The following UBXN2A variants were observed in gnomAD, a reference collection of about 807,000 sequenced individuals.
UBXN2A encodes the protein UBX domain-containing protein 2A.
In UBXN2A, 28 loss-of-function variants were observed where a neutral mutation model predicts 28.4. That is an observed-to-expected ratio of 0.99 (90% CI 0.73 to 1.35). The LOEUF is 1.35. UBXN2A is among the 40% of genes most tolerant of loss of function. The probability of loss-of-function intolerance (pLI) is 0.00; values close to 1 mark genes in which losing one functional copy is unlikely to be tolerated. For synonymous variants in UBXN2A, 97 were observed against 103.6 expected (o/e 0.94, Z 0.39); for missense variants, 253 against 297.9 (o/e 0.85, Z 1.11).
chr2:23,972,835 A>T (rs79480138), intron 3 of UBXN2A, among the ~76,000 whole-genome samples: 4,605 of 152,106 alleles, frequency 0.03, 202 homozygotes, highest in African/African-American at 0.089. Context: ...ATAAATAAAT[A>T]AATTAATTAA....
intron 1 of UBXN2A, among the ~76,000 whole-genome samples, chr2:23,931,180 G>T (rs1456477565): frequency 6.6e-6 from 1 of 151,826 alleles, no homozygotes; most frequent in Non-Finnish European, 1.5e-5. Flanking sequence ...GGGCTCAGTG[G>T]CTCTTGCCTG....
At chr2:23,984,858 A>G (rs201902681) in intron 6 of UBXN2A, 27 bp downstream of exon 6, 477 of 1,531,664 alleles carry the variant, frequency 3.1e-4, no homozygotes, top group Non-Finnish European at 3.8e-4. Flanking sequence ...AGTATTTGAT[A>G]TTTTTTCACC....
intron 2 of UBXN2A, among the ~76,000 whole-genome samples, chr2:23,966,456 C>CTT (rs79851837): frequency 6.5e-5 from 8 of 122,916 alleles, no homozygotes; most frequent in South Asian, 2.6e-4. Context: ...TTCTTTTTTT[C>CTT]TTTTTTTTTT....
intron 2 of UBXN2A, among the ~76,000 whole-genome samples, chr2:23,966,137 T>C (rs1454714400): frequency 6.6e-6 from 1 of 152,004 alleles, no homozygotes; most frequent in Non-Finnish European, 1.5e-5. Context: ...CTTATTGTAG[T>C]TATTTTCTTT....
chr2:23,954,817 A>ACATGAT (rs2150826377), intron 1 of UBXN2A, among the ~76,000 whole-genome samples: 1 of 147,938 alleles, frequency 6.8e-6, no homozygotes, highest in African/African-American at 2.5e-5. Flanking sequence ...GAGTGTGGTG[A>ACATGAT]CATGATCATG....
chr2:23,937,768 T>C (rs1296426134), upstream of UBXN2A, among the ~76,000 whole-genome samples: 2 of 152,362 alleles, frequency 1.3e-5, no homozygotes, highest in Non-Finnish European at 2.9e-5. Flanking sequence ...AGTATGGTCA[T>C]GTAGTGCTTA....
chr2:23,957,505 TGTTGACC>T (rs1706685032), intron 1 of UBXN2A, among the ~76,000 whole-genome samples: 1 of 152,078 alleles, frequency 6.6e-6, no homozygotes, highest in Non-Finnish European at 1.5e-5. Context: ...GGTTTCACCA[TGTTGACC>T]AGGCTGGTCT....
At chr2:23,962,868 C>T (rs1165403179) in intron 2 of UBXN2A, among the ~76,000 whole-genome samples, 1 of 152,142 alleles carries the variant, frequency 6.6e-6, no homozygotes, top group Admixed American at 6.5e-5. Context: ...CCTTGGCATC[C>T]CAAAGTGCTG....
At chr2:23,968,500 T>C (rs1375411865) in intron 2 of UBXN2A, among the ~76,000 whole-genome samples, 1 of 151,918 alleles carries the variant, frequency 6.6e-6, no homozygotes, top group Non-Finnish European at 1.5e-5. Context: ...GGTGAAACCC[T>C]GTCTCTACTG....
upstream of UBXN2A, among the ~76,000 whole-genome samples, chr2:23,937,744 T>G (rs1705570613): frequency 6.6e-6 from 1 of 152,152 alleles, no homozygotes; most frequent in African/African-American, 2.4e-5. Context: ...CTGAAAGAAA[T>G]GAAAGAAGGT....
chr2:23,984,572 C>T, intron 5 of UBXN2A, 101 bp from the exon 6 acceptor site: 1 of 1,047,304 alleles, frequency 9.5e-7, no homozygotes, highest in Non-Finnish European at 1.3e-6. Flanking sequence ...AAAAATCTTC[C>T]TTAAAGTTAT....
chr2:23,996,065 A>AT (rs1019784685), intron 6 of UBXN2A, among the ~76,000 whole-genome samples: 7,118 of 114,204 alleles, frequency 0.062, 236 homozygotes, highest in African/African-American at 0.092. Flanking sequence ...CGCCTGGCTA[A>AT]TTTTTTTTTT....
intron 6 of UBXN2A, among the ~76,000 whole-genome samples, chr2:23,987,180 A>G (rs1222630024): frequency 2.0e-5 from 3 of 151,232 alleles, no homozygotes; most frequent in Non-Finnish European, 4.4e-5. Flanking sequence ...TTTTTAAAAA[A>G]ATTTTTTTTC....
At chr2:23,990,242 G>A (rs1341831760) in intron 6 of UBXN2A, among the ~76,000 whole-genome samples, 1 of 151,428 alleles carries the variant, frequency 6.6e-6, no homozygotes, top group Non-Finnish European at 1.5e-5. Context: ...TCCTCTGCTT[G>A]GTAGACTGAC....
At chr2:23,928,350 C>T (rs1345546159) in intron 1 of UBXN2A, among the ~76,000 whole-genome samples, 6 of 151,972 alleles carry the variant, frequency 3.9e-5, no homozygotes, top group Admixed American at 1.3e-4. Context: ...CCAAGGCGGG[C>T]GGATCACTTG....
At chr2:23,963,772 A>G (rs1429077241) in intron 2 of UBXN2A, among the ~76,000 whole-genome samples, 2 of 152,160 alleles carry the variant, frequency 1.3e-5, no homozygotes, top group Non-Finnish European at 2.9e-5. Flanking sequence ...ATTGCCACAG[A>G]ATGGATTGCT....
chr2:23,982,130 C>T (rs145476895), intron 4 of UBXN2A, among the ~76,000 whole-genome samples: 43 of 147,676 alleles, frequency 2.9e-4, no homozygotes, highest in African/African-American at 9.9e-4. Flanking sequence ...GAGGCTGAGG[C>T]GGGCAGAACA....
At chr2:23,995,958 C>T (rs983155445) in intron 6 of UBXN2A, among the ~76,000 whole-genome samples, 12 of 151,506 alleles carry the variant, frequency 7.9e-5, no homozygotes, top group African/African-American at 2.9e-4. Context: ...TGCAGTGGCT[C>T]AATCTCGGCT....
At chr2:23,944,623 T>C (rs1705958192) in intron 1 of UBXN2A, among the ~76,000 whole-genome samples, 1 of 152,158 alleles carries the variant, frequency 6.6e-6, no homozygotes. Context: ...GCAGTTATTC[T>C]CTCTCCATAT....
Sources: gnomAD v4.1 joint callset for allele counts (sites outside exome capture counted in the v4.1 genomes callset) on GRCh38, gnomAD v4.1.1 for gene constraint, MANE v1.5 for transcripts, NCBI Gene and HGNC (gene_info 2026-07-23, HGNC 2026-07-21) for gene names.